KCNK12: variants seen among roughly 807,000 people sequenced by gnomAD.
The protein encoded by KCNK12 is potassium two pore domain channel subfamily K member 12.
In KCNK12, 6 loss-of-function variants were observed where a neutral mutation model predicts 25.3. That is an observed-to-expected ratio of 0.24 (90% confidence interval 0.13 to 0.47). The LOEUF (loss-of-function observed/expected upper bound fraction) is 0.47. KCNK12 is among the 20% of genes least tolerant of loss of function. KCNK12 has a pLI of 0.99. For missense variants in KCNK12, 444 were observed against 661.7 expected (o/e 0.67, Z 3.61); for synonymous variants, 331 against 311.1 (o/e 1.06, Z -0.67).
At chr2:47,564,773 C>T (rs1037576814) in intron 1 of KCNK12, 1 of 165,930 alleles carries the variant, frequency 6.0e-6, no homozygotes, top group East Asian at 1.2e-4. Context: ...AATGGTAATA[C>T]ATTTCCTGCT....
At chr2:47,524,701 G>A (rs2104739065) in intron 1 of KCNK12, among the ~76,000 whole-genome samples, 1 of 152,308 alleles carries the variant, frequency 6.6e-6, no homozygotes, top group Non-Finnish European at 1.5e-5. Flanking sequence ...ATGTGTGTTA[G>A]CTGTGTAATA....
Position 47,528,896 on chromosome 2 carries a change from C to T in KCNK12, c.392-7088G>A, listed in dbSNP as rs1435561704. Among the ~76,000 whole-genome samples, 2 of 152,128 alleles carry T rather than the reference C, an allele frequency of 1.3e-5. No individual in the cohort carries two copies. ...CCCTGGGCGGCAGCCTCGGTTGGGC[C>T]CTTGACACACTCCTCCCATCCAGGC... On this transcript the variant is annotated intron_variant, in intron 1 of 1. Coordinates refer to ENST00000327876, the MANE Select transcript of KCNK12 (RefSeq NM_022055.2). This position sits in a 1 kb window ranked among gnomAD's most constrained non-coding sequence, Gnocchi z 4.5.
At position 47,538,696 on chromosome 2, in the gene KCNK12, A is replaced by T. The variant is rs1669129983; in HGVS notation, c.392-16888T>A. Among the ~76,000 whole-genome samples, 1 of 152,188 alleles carries T rather than the reference A, an allele frequency of 6.6e-6. No homozygotes were observed. The highest frequency in any genetic ancestry group is 1.5e-5 in the Non-Finnish European group (1 of 68,024). ...TGAGGCAGGAGAATCATTTGAACCC[A>T]GGAGGCAGAGGCTGCAGTGAGCCTA... is the stretch of plus-strand genomic sequence containing the variant. On this transcript the variant is annotated intron_variant, in intron 1 of 1. Transcript: ENST00000327876. The surrounding 1 kb of genome is among the most constrained non-coding windows in gnomAD (Gnocchi z 4.5).
chr2:47,537,481 C>T (rs1220792855), intron 1 of KCNK12, among the ~76,000 whole-genome samples: 3 of 152,118 alleles, frequency 2.0e-5, no homozygotes, highest in African/African-American at 4.8e-5. Context: ...CAGGCGCCCA[C>T]CACGACGCCC....
chr2:47,553,580 T>C (rs114131035), intron 1 of KCNK12, among the ~76,000 whole-genome samples: 1,577 of 152,286 alleles, frequency 0.01, 26 homozygotes, highest in African/African-American at 0.036. Context: ...TTCTAGAGAC[T>C]AACAGTTTAG....
chr2:47,511,279 C>T lies in KCNK12; in HGVS notation c.*9628G>A, dbSNP rs554737170. Among the ~76,000 whole-genome samples the T allele has an allele frequency of 2.0e-5, 3 of 152,280 alleles. No individual in the cohort carries two copies. Among genetic ancestry groups the T allele is most frequent in the Admixed American group, 2.0e-4 (3 of 15,310 alleles). Reference sequence around the variant, plus strand: ...CTTCCATTTTTTGTTCCCCTGCTGCCAGAGCATGGCAGAGTAAATGTGTGA... The same window carrying T: ...CTTCCATTTTTTGTTCCCCTGCTGCTAGAGCATGGCAGAGTAAATGTGTGA... On this transcript the variant is annotated 3_prime_UTR_variant, in exon 2 of 2. Transcript: ENST00000327876. The surrounding 1 kb of genome is among the most constrained non-coding windows in gnomAD (Gnocchi z 4.3).
rs1256949408 is a variant in KCNK12 at position 47,515,437 on chromosome 2, A to T, written c.*5470T>A. ...CAAAATCTGATTTTTTACACAAAAA[A>T]TTTGCAACCTCCAGCATAAATGGGT... On this transcript the variant is annotated 3_prime_UTR_variant, in exon 2 of 2. Coordinates refer to ENST00000327876, the MANE Select transcript of KCNK12 (RefSeq NM_022055.2). Among the ~76,000 whole-genome samples, 1 of 152,226 alleles carries T rather than the reference A, an allele frequency of 6.6e-6. No homozygotes were observed. The highest frequency in any genetic ancestry group is 1.5e-5 in the Non-Finnish European group (1 of 68,038).
intron 1 of KCNK12, among the ~76,000 whole-genome samples, chr2:47,567,649 C>T (rs1669810045): frequency 6.6e-6 from 1 of 152,210 alleles, no homozygotes; most frequent in South Asian, 2.1e-4. Context: ...GCTGTCTTGG[C>T]ATCCTCACAG....
At position 47,533,644 on chromosome 2, in the gene KCNK12, G is replaced by A. The variant is rs192292358; in HGVS notation, c.392-11836C>T. On this transcript the variant is annotated intron_variant, in intron 1 of 1. Coordinates refer to ENST00000327876, the MANE Select transcript of KCNK12 (RefSeq NM_022055.2). This position sits in a 1 kb window ranked among gnomAD's most constrained non-coding sequence, Gnocchi z 4.7. ...GCTCACTTCCTGCTTTGGCCCCTAC[G>A]CTGGGTAGGAGGCCCGGCTAGAGGT... Among the ~76,000 whole-genome samples the A allele has an allele frequency of 2.3e-4, 35 of 152,306 alleles. No homozygotes were observed. The highest frequency in any genetic ancestry group is 7.2e-5 in the African/African-American group (3 of 41,556).
chr2:47,542,971 G>A (rs1669233980), intron 1 of KCNK12, among the ~76,000 whole-genome samples: 1 of 152,168 alleles, frequency 6.6e-6, no homozygotes, highest in Non-Finnish European at 1.5e-5. Flanking sequence ...CAAGCCTGGA[G>A]TGCAGTGGCT....
In KCNK12 at chr2:47,511,451, C is replaced by G. The variant is rs1182905783; in HGVS notation, c.*9456G>C. Among the ~76,000 whole-genome samples the G allele has an allele frequency of 2.6e-5, 4 of 152,196 alleles. No homozygotes were observed. The highest frequency in any genetic ancestry group is 3.8e-4 in the East Asian group (2 of 5,198). ...TCTCATGTGTGCAAATACATGTATT[C>G]TAAAGAAATCTGTCCAGAACCCCAG... On this transcript the variant is annotated 3_prime_UTR_variant, in exon 2 of 2. Transcript: ENST00000327876. This position sits in a 1 kb window ranked among gnomAD's most constrained non-coding sequence, Gnocchi z 4.3.
chr2:47,567,647 G>A (rs1159211001), intron 1 of KCNK12, among the ~76,000 whole-genome samples: 1 of 152,174 alleles, frequency 6.6e-6, no homozygotes, highest in Non-Finnish European at 1.5e-5. Context: ...TGGCTGTCTT[G>A]GCATCCTCAC....
chr2:47,531,037 A>G (rs1371329591), intron 1 of KCNK12, among the ~76,000 whole-genome samples: 1 of 152,238 alleles, frequency 6.6e-6, no homozygotes, highest in East Asian at 1.9e-4. Context: ...TGGCTGCACA[A>G]TAGAATCACC....
intron 1 of KCNK12, chr2:47,534,928 A>C: frequency 4.6e-6 from 1 of 219,184 alleles, no homozygotes; most frequent in Non-Finnish European, 9.2e-6. Flanking sequence ...TCCTGCTCTC[A>C]AGTGGATAGT....
chr2:47,534,295 A>G (rs1369026230), intron 1 of KCNK12, among the ~76,000 whole-genome samples: 1 of 152,098 alleles, frequency 6.6e-6, no homozygotes, highest in Non-Finnish European at 1.5e-5. Context: ...TCATTCAGCA[A>G]AATGAGTTAT....
At chr2:47,521,893 C>G in intron 1 of KCNK12, 85 bp from the exon 2 acceptor site, 1 of 1,117,934 alleles carries the variant, frequency 8.9e-7, no homozygotes, top group South Asian at 1.8e-5. Flanking sequence ...GGGGCGGGGG[C>G]ATGCAGGTGC....
In KCNK12 at chr2:47,537,719, G is replaced by C. The variant is rs549845440; in HGVS notation, c.392-15911C>G. On this transcript the variant is annotated intron_variant, in intron 1 of 1. Coordinates refer to ENST00000327876, the MANE Select transcript of KCNK12 (RefSeq NM_022055.2). ...TAGGATAGTTGCTACTTTTGAAACC[G>C]TAAGTTCACTCCCAACAAGCACTGT... Among the ~76,000 whole-genome samples, 13 of 152,258 alleles carry C rather than the reference G, an allele frequency of 8.5e-5. 1 individual carries two copies. The highest frequency in any genetic ancestry group is 2.9e-4 in the African/African-American group (12 of 41,556).
In KCNK12 at chr2:47,518,993, T is replaced by G. The variant is rs1018674402; in HGVS notation, c.*1914A>C. On this transcript the variant is annotated 3_prime_UTR_variant, in exon 2 of 2. Transcript: ENST00000327876. The surrounding 1 kb of genome is among the most constrained non-coding windows in gnomAD (Gnocchi z 4.1). ...CTTCACTGTGACCGCAACCATGGGT[T>G]GGATGGGGGGCACTCACTGGGCTGG... The G allele has an allele frequency of 1.3e-5, 2 of 152,244 alleles. No individual in the cohort carries two copies. Among genetic ancestry groups the G allele is most frequent in the African/African-American group, 4.8e-5 (2 of 41,460 alleles). The allele number at this position is 152,244 out of a possible 1,614,324, so 9.4% of individuals were successfully genotyped here.
Position 47,511,516 on chromosome 2 carries a change from A to G in KCNK12, c.*9391T>C, listed in dbSNP as rs1359771866. ...GTGGTGGGAGGGGCTTCCATATTAC[A>G]GAGAGATGCCCACAGTGCATGACGT... is the stretch of plus-strand genomic sequence containing the variant. On this transcript the variant is annotated 3_prime_UTR_variant, in exon 2 of 2. Coordinates refer to ENST00000327876, the MANE Select transcript of KCNK12 (RefSeq NM_022055.2). This position sits in a 1 kb window ranked among gnomAD's most constrained non-coding sequence, Gnocchi z 4.3. 1.3e-5 allele frequency among the ~76,000 whole-genome samples: 2 copies of G among 152,226 alleles called. No individual in the cohort carries two copies. The highest frequency in any genetic ancestry group is 4.8e-5 in the African/African-American group (2 of 41,472).
Sources: allele counts gnomAD v4.1 joint callset (sites outside exome capture counted in the v4.1 genomes callset), GRCh38; gene constraint gnomAD v4.1.1; non-coding constraint Gnocchi (gnomAD v3.1); transcripts MANE v1.5; gene names NCBI Gene and HGNC (gene_info 2026-07-23, HGNC 2026-07-21).